WWOX: variants seen among roughly 807,000 people sequenced by gnomAD.
The protein encoded by WWOX is WW domain containing oxidoreductase, also known as WW domain-containing oxidoreductase.
WWOX carries 69 observed loss-of-function variants against 46.2 expected under a neutral mutation model. The ratio of observed to expected loss-of-function variants is 1.49; its 90% CI spans 1.23 to 1.82. The LOEUF (loss-of-function observed/expected upper bound fraction) is 1.82, where lower values mean the gene tolerates loss of function less well. Among genes scored for constraint, WWOX ranks in the 40% most tolerant of loss-of-function variants. The pLI is 0.00. For synonymous variants in WWOX, 359 were observed against 202.6 expected, an observed-to-expected ratio of 1.77 and a Z score of -6.56; for missense variants, 919 against 542.6, an observed-to-expected ratio of 1.69 and a Z score of -6.89.
At position 78,780,719 on chromosome 16, in the gene WWOX, C is replaced by T. The variant is rs375703441; in HGVS notation, c.1056+347967C>T. Among the ~76,000 whole-genome samples the T allele has an allele frequency of 2.6e-4, 40 of 152,202 alleles. No homozygotes were observed. The East Asian group carries it at 2.7e-3, about 10-fold the overall frequency. ...GCAAGGTGAACGGAAGTGCAGGGTC[C>T]CTGAGGCAGAAAGGAGCTCAGCCTC... is the stretch of plus-strand genomic sequence containing the variant. On this transcript the variant is annotated intron_variant, in intron 8 of 8. Transcript: ENST00000566780.
In WWOX at chr16:78,343,490, C is replaced by G. The variant is rs77211566; in HGVS notation, c.517-43370C>G. 1.2e-4 allele frequency among the ~76,000 whole-genome samples: 14 copies of G among 120,852 alleles called. 4 individuals carry two copies. The highest frequency in any genetic ancestry group is 3.9e-4 in the African/African-American group (14 of 35,612). 79.3% of individuals were successfully genotyped at this position (120,852 alleles called of 152,430 possible). On this transcript the variant is annotated intron_variant, in intron 5 of 8. Coordinates refer to ENST00000566780, the MANE Select transcript of WWOX (RefSeq NM_016373.4). ...CCTTGTTTTCAGATTCCTCGCCTCT[C>G]ATCATGTAAGGTGATGCTCTGAGCT...
chr16:78,914,165 A>G (rs544493245), intron 8 of WWOX, among the ~76,000 whole-genome samples: 2 of 152,166 alleles, frequency 1.3e-5, no homozygotes, highest in South Asian at 4.1e-4. Flanking sequence ...CAATTTCTCT[A>G]TCCCATAACT....
chr16:78,825,677 C>T (rs1466886869), intron 8 of WWOX: 2 of 530,660 alleles, frequency 3.8e-6, no homozygotes, highest in African/African-American at 1.9e-5. Context: ...CCATAGGCTG[C>T]CAAGCTGTGG....
chr16:79,000,626 A>T (rs2047074806), intron 8 of WWOX, among the ~76,000 whole-genome samples: 1 of 152,208 alleles, frequency 6.6e-6, no homozygotes, highest in Non-Finnish European at 1.5e-5. Flanking sequence ...TCTCTCCCAG[A>T]ACTTCCAGAA....
At chr16:78,539,367 C>T (rs554246634) in intron 8 of WWOX, among the ~76,000 whole-genome samples, 2 of 152,276 alleles carry the variant, frequency 1.3e-5, no homozygotes, top group African/African-American at 2.4e-5. Flanking sequence ...GCTAGGGGCT[C>T]TTGTCATAGG....
chr16:78,390,560 T>C (rs760951216), intron 6 of WWOX, among the ~76,000 whole-genome samples: 11 of 152,170 alleles, frequency 7.2e-5, no homozygotes, highest in Non-Finnish European at 1.3e-4. Flanking sequence ...CTTAGAGAAA[T>C]ACTGTGGTGG....
At chr16:78,241,100 T>G (rs1438714495) in intron 5 of WWOX, 1 of 152,222 alleles carries the variant, frequency 6.6e-6, no homozygotes, top group Non-Finnish European at 1.5e-5. Context: ...CCACCAACAC[T>G]GGCCTTGGGA....
chr16:78,351,985 C>G (rs1302848154), intron 5 of WWOX, among the ~76,000 whole-genome samples: 2 of 152,088 alleles, frequency 1.3e-5, no homozygotes, highest in Non-Finnish European at 2.9e-5. Flanking sequence ...AAACCTAGAT[C>G]AAGAGTCAAA....
chr16:78,827,500 G>C (rs928209046), intron 8 of WWOX, among the ~76,000 whole-genome samples: 1 of 152,042 alleles, frequency 6.6e-6, no homozygotes, highest in Non-Finnish European at 1.5e-5. Context: ...TTCTGGCAGG[G>C]AGACCCCAGG....
intron 8 of WWOX, among the ~76,000 whole-genome samples, chr16:79,175,606 C>T (rs138115076): frequency 3.9e-5 from 6 of 152,224 alleles, no homozygotes; most frequent in African/African-American, 1.2e-4. Context: ...CATAGGGCTC[C>T]TGACCTTCCA....
intron 8 of WWOX, among the ~76,000 whole-genome samples, chr16:79,156,289 A>G (rs958796390): frequency 1.3e-5 from 2 of 152,180 alleles, no homozygotes; most frequent in African/African-American, 4.8e-5. Context: ...AACCTCCAGA[A>G]TAGCTAAGAC....
At chr16:79,117,555 C>A (rs7198404) in intron 8 of WWOX, among the ~76,000 whole-genome samples, 18,542 of 152,164 alleles carry the variant, frequency 0.12, 2,390 homozygotes, top group African/African-American at 0.33. Context: ...CTGTGCTTCG[C>A]AGCTTTGAAG....
chr16:78,796,015 A>G lies in WWOX; in HGVS notation c.1056+363263A>G, dbSNP rs539281663. On this transcript the variant is annotated intron_variant, in intron 8 of 8. Coordinates refer to ENST00000566780, the MANE Select transcript of WWOX (RefSeq NM_016373.4). ...TGAATGTTTAAATATCCTAAGACCC[A>G]CTAAGGAAGTTTGTGGCAATATTTG... Among the ~76,000 whole-genome samples the G allele has an allele frequency of 2.0e-5, 3 of 152,338 alleles. No homozygotes were observed. In the South Asian group the frequency reaches 6.2e-4, roughly 32 times the overall value.
chr16:78,920,845 G>C (rs2045361811), intron 8 of WWOX, among the ~76,000 whole-genome samples: 1 of 152,178 alleles, frequency 6.6e-6, no homozygotes, highest in South Asian at 2.1e-4. Flanking sequence ...AGGAAGGCCA[G>C]GGACTTGTTC....
At chr16:78,634,643 T>C (rs1291757920) in intron 8 of WWOX, among the ~76,000 whole-genome samples, 1 of 150,216 alleles carries the variant, frequency 6.7e-6, no homozygotes, top group Non-Finnish European at 1.5e-5. Context: ...GAGGCGGAGG[T>C]TGCAGTGAGC....
intron 8 of WWOX, among the ~76,000 whole-genome samples, chr16:79,136,051 A>T (rs904191551): frequency 3.3e-5 from 5 of 152,174 alleles, no homozygotes; most frequent in African/African-American, 4.8e-5. Flanking sequence ...AACTTTCTAT[A>T]TTCAAATATA....
At chr16:78,478,408 G>A (rs903713734) in intron 8 of WWOX, among the ~76,000 whole-genome samples, 1 of 152,070 alleles carries the variant, frequency 6.6e-6, no homozygotes, top group Non-Finnish European at 1.5e-5. Context: ...AGCATGAATG[G>A]CCATATTTAC....
intron 8 of WWOX, among the ~76,000 whole-genome samples, chr16:78,520,149 A>G (rs1307527765): frequency 6.6e-6 from 1 of 152,234 alleles, no homozygotes; most frequent in Non-Finnish European, 1.5e-5. Flanking sequence ...TCGCATGTCC[A>G]GTCTGAAGCT....
intron 5 of WWOX, among the ~76,000 whole-genome samples, chr16:78,176,370 G>A (rs1473839754): frequency 4.6e-5 from 7 of 152,330 alleles, no homozygotes; most frequent in Non-Finnish European, 7.3e-5. Context: ...TGGAGAGCGT[G>A]CAGACTCAGG....
Sources: allele counts gnomAD v4.1 joint callset (sites outside exome capture counted in the v4.1 genomes callset), GRCh38; gene constraint gnomAD v4.1.1; transcripts MANE v1.5; gene names NCBI Gene and HGNC (gene_info 2026-07-23, HGNC 2026-07-21).